Variants in RANBP2 observed in about 807,000 individuals in gnomAD.
RANBP2 encodes E3 SUMO-protein ligase RanBP2.
Under a neutral mutation model 303.6 loss-of-function variants are expected in RANBP2, and 57 were observed. That is an observed-to-expected ratio of 0.19 (90% CI 0.15 to 0.23). RANBP2 has a LOEUF of 0.23. RANBP2 is among the 10% of genes least tolerant of loss of function. The pLI is 1.00. For synonymous variants in RANBP2, 1,167 were observed against 1,301.5 expected, an observed-to-expected ratio of 0.90 and a Z score of 2.23; for missense variants, 3,138 against 3,780.8, an observed-to-expected ratio of 0.83 and a Z score of 4.46.
At chr2:108,837,137 T>G in the RANBP2 span, among the ~76,000 whole-genome samples, 1 of 152,176 alleles carries the variant, frequency 6.6e-6, no homozygotes, top group Non-Finnish European at 1.5e-5. Context: ...GAGGAAAGGC[T>G]TTCATTCTTT....
At chr2:109,164,514 C>T in the RANBP2 span, among the ~76,000 whole-genome samples, 46 of 152,272 alleles carry the variant, frequency 3.0e-4, 1 homozygote, top group South Asian at 6.4e-3. Context: ...GTAGACTCTT[C>T]GGCCAAGCCT....
chr2:109,685,624 C>A, the RANBP2 span, among the ~76,000 whole-genome samples: 69 of 152,348 alleles, frequency 4.5e-4, no homozygotes, highest in African/African-American at 1.6e-3. Context: ...ACCTCCCCTG[C>A]TGGGCAGAGC....
At chr2:108,908,107 C>T in the RANBP2 span, 1 of 1,403,288 alleles carries the variant, frequency 7.1e-7, no homozygotes, top group Non-Finnish European at 9.6e-7. Context: ...GTCCATTGCC[C>T]AGCTGTGGAC....
the RANBP2 span, among the ~76,000 whole-genome samples, chr2:109,470,632 C>T: frequency 5.9e-5 from 9 of 152,346 alleles, no homozygotes; most frequent in African/African-American, 2.2e-4. Flanking sequence ...CCTGGACTGG[C>T]TCTGACAGTG....
the RANBP2 span, among the ~76,000 whole-genome samples, chr2:109,428,543 C>G: frequency 6.6e-6 from 1 of 152,230 alleles, no homozygotes; most frequent in Non-Finnish European, 1.5e-5. Context: ...GCACACCTGC[C>G]GCGGCCACTT....
chr2:109,458,580 G>GAGAGAGAGAGAGAGAGAGAGAGAGAA, the RANBP2 span, among the ~76,000 whole-genome samples: 1 of 150,658 alleles, frequency 6.6e-6, no homozygotes, highest in Non-Finnish European at 1.5e-5. Flanking sequence ...GACAGAGAGA[G>GAGAGAGAGAGAGAGAGAGAGAGAGAA]AGAGAGAGAG....
At chr2:108,848,578 C>A in the RANBP2 span, among the ~76,000 whole-genome samples, 1 of 152,122 alleles carries the variant, frequency 6.6e-6, no homozygotes, top group Non-Finnish European at 1.5e-5. Context: ...ATAAGATGTC[C>A]CATATGGCTT....
chr2:109,374,587 C>A, the RANBP2 span, among the ~76,000 whole-genome samples: 1 of 152,180 alleles, frequency 6.6e-6, no homozygotes, highest in Non-Finnish European at 1.5e-5. Flanking sequence ...GAGCTTCCAT[C>A]TTGGGCTACT....
intron 18 of RANBP2, among the ~76,000 whole-genome samples, chr2:108,760,812 C>T (rs1319424738): frequency 6.6e-6 from 1 of 151,976 alleles, no homozygotes; most frequent in Non-Finnish European, 1.5e-5. Flanking sequence ...TTTTTTAAAG[C>T]CCGCGAACAC....
the RANBP2 span, among the ~76,000 whole-genome samples, chr2:109,350,201 A>G: frequency 1.3e-5 from 2 of 152,186 alleles, no homozygotes; most frequent in Non-Finnish European, 2.9e-5. Context: ...GTAGCCGAGC[A>G]GGGGTCCATC....
chr2:109,545,983 G>A, the RANBP2 span: 1 of 1,509,270 alleles, frequency 6.6e-7, no homozygotes, highest in Non-Finnish European at 8.8e-7. Flanking sequence ...GAAGCGCTAG[G>A]AAGATCCGAC....
At chr2:108,737,446 C>G (rs1032062606) in intron 6 of RANBP2, among the ~76,000 whole-genome samples, 10 of 148,988 alleles carry the variant, frequency 6.7e-5, no homozygotes, top group African/African-American at 2.5e-4. Context: ...TCAGGCGATT[C>G]TCCTGCCTCA....
chr2:109,223,300 G>A, the RANBP2 span, among the ~76,000 whole-genome samples: 1 of 152,202 alleles, frequency 6.6e-6, no homozygotes, highest in Non-Finnish European at 1.5e-5. Flanking sequence ...CACCAGCCAC[G>A]TGAGCAGCCT....
At chr2:109,639,688 G>C in the RANBP2 span, among the ~76,000 whole-genome samples, 217 of 151,876 alleles carry the variant, frequency 1.4e-3, 1 homozygote, top group African/African-American at 5.1e-3. Context: ...ATGCTGTTAA[G>C]AGGTCATTTA....
intron 20 of RANBP2, among the ~76,000 whole-genome samples, chr2:108,769,502 T>G (rs1459656373): frequency 6.7e-6 from 1 of 149,280 alleles, no homozygotes; most frequent in Non-Finnish European, 1.5e-5. Context: ...ACTGGTGGCA[T>G]GACACCCTTG....
intron 2 of RANBP2, among the ~76,000 whole-genome samples, chr2:108,729,912 G>A (rs915161808): frequency 2.2e-4 from 34 of 152,032 alleles, no homozygotes; most frequent in African/African-American, 8.0e-4. Context: ...GTAGAGACAG[G>A]TGTCACTATG....
chr2:108,756,270 A>G (rs1244704870), intron 17 of RANBP2, among the ~76,000 whole-genome samples: 5 of 152,236 alleles, frequency 3.3e-5, no homozygotes, highest in African/African-American at 1.2e-4. Context: ...CTGAGCTTCA[A>G]AAAGTCTTAC....
chr2:109,670,773 C>T, the RANBP2 span, among the ~76,000 whole-genome samples: 1 of 152,024 alleles, frequency 6.6e-6, no homozygotes, highest in Non-Finnish European at 1.5e-5. Flanking sequence ...GATCTCTGGG[C>T]ATGGAGTTGG....
chr2:109,042,984 C>T, the RANBP2 span, among the ~76,000 whole-genome samples: 1 of 152,112 alleles, frequency 6.6e-6, no homozygotes, highest in African/African-American at 2.4e-5. Flanking sequence ...ATAACTGTCC[C>T]GAATTCTGTG....
Sources: gnomAD v4.1 joint callset for allele counts (sites outside exome capture counted in the v4.1 genomes callset) on GRCh38, gnomAD v4.1.1 for gene constraint, MANE v1.5 for transcripts, NCBI Gene and HGNC (gene_info 2026-07-23, HGNC 2026-07-21) for gene names.